Variants in FOXP1 observed in about 807,000 individuals in gnomAD.
FOXP1 encodes the protein forkhead box protein P1.
A neutral mutation model predicts 98.2 loss-of-function variants in FOXP1; 15 were observed. That is an observed-to-expected ratio of 0.15 (90% CI 0.10 to 0.24). The LOEUF is 0.24. Ranked by LOEUF, FOXP1 falls within the 10% of genes least tolerant of loss-of-function variation. The pLI is 1.00. For synonymous variants in FOXP1, 371 were observed against 314.5 expected, an observed-to-expected ratio of 1.18 and a Z score of -1.90; for missense variants, 633 against 848.5, an observed-to-expected ratio of 0.75 and a Z score of 3.15.
chr3:71,461,493 C>CA (rs1386007148), intron 3 of FOXP1, among the ~76,000 whole-genome samples: 1 of 151,912 alleles, frequency 6.6e-6, no homozygotes, highest in Non-Finnish European at 1.5e-5. Context: ...GACCCTGTCT[C>CA]AAAAAATCAA....
chr3:71,061,995 G>GT (rs2051566086), intron 7 of FOXP1, among the ~76,000 whole-genome samples: 1 of 152,062 alleles, frequency 6.6e-6, no homozygotes, highest in Non-Finnish European at 1.5e-5. Flanking sequence ...TAATTTCACC[G>GT]TATCTTCCAA....
intron 3 of FOXP1, among the ~76,000 whole-genome samples, chr3:71,364,893 T>C (rs2078812004): frequency 6.6e-6 from 1 of 152,266 alleles, no homozygotes; most frequent in Non-Finnish European, 1.5e-5. Flanking sequence ...GCTGTGTATA[T>C]ATAAGATATT....
intron 6 of FOXP1, among the ~76,000 whole-genome samples, chr3:71,162,298 C>G (rs997604112): frequency 3.3e-5 from 5 of 152,226 alleles, no homozygotes; most frequent in Non-Finnish European, 5.9e-5. Flanking sequence ...GCTTAGCTAA[C>G]TGAAACCTGG....
intron 7 of FOXP1, among the ~76,000 whole-genome samples, chr3:71,084,237 A>G (rs543022716): frequency 2.0e-5 from 3 of 152,290 alleles, no homozygotes; most frequent in African/African-American, 7.2e-5. Context: ...AATTTCTTCA[A>G]GACATTTTCA....
intron 2 of FOXP1, among the ~76,000 whole-genome samples, chr3:71,503,661 C>CTCCTCAGT (rs1197292436): frequency 1.3e-5 from 2 of 150,304 alleles, no homozygotes; most frequent in Non-Finnish European, 3.0e-5. Flanking sequence ...TATGGTAAAC[C>CTCCTCAGT]TCCTCAGTGA....
At chr3:71,342,849 A>G (rs2077094306) in intron 4 of FOXP1, among the ~76,000 whole-genome samples, 1 of 152,226 alleles carries the variant, frequency 6.6e-6, no homozygotes, top group Non-Finnish European at 1.5e-5. Flanking sequence ...GTACAGCTGT[A>G]TACAGTATCA....
chr3:71,474,255 TG>T (rs997203058), intron 3 of FOXP1, among the ~76,000 whole-genome samples: 1 of 152,096 alleles, frequency 6.6e-6, no homozygotes, highest in African/African-American at 2.4e-5. Context: ...CACATTTAAC[TG>T]GCCAAAAGAG....
At chr3:71,363,565 C>G (rs1056557457) in intron 3 of FOXP1, among the ~76,000 whole-genome samples, 3 of 152,126 alleles carry the variant, frequency 2.0e-5, no homozygotes, top group African/African-American at 4.8e-5. Context: ...CAAACCAGCA[C>G]GACTGTCTTT....
At chr3:71,023,784 T>G (rs971827961) in intron 11 of FOXP1, among the ~76,000 whole-genome samples, 1 of 152,190 alleles carries the variant, frequency 6.6e-6, no homozygotes, top group Admixed American at 6.5e-5. Flanking sequence ...TGATTTGAAA[T>G]TACTAAATTT....
At chr3:71,396,973 T>TATATATATAC (rs1560424550) in intron 3 of FOXP1, among the ~76,000 whole-genome samples, 1 of 27,382 alleles carries the variant, frequency 3.7e-5, no homozygotes, top group Non-Finnish European at 1.0e-4. Context: ...TGTGTGTATA[T>TATATATATAC]ATATATATGT....
At chr3:71,577,910 C>T (rs2047854647) in intron 2 of FOXP1, among the ~76,000 whole-genome samples, 2 of 151,900 alleles carry the variant, frequency 1.3e-5, no homozygotes, top group Non-Finnish European at 2.9e-5. Flanking sequence ...CCCCTACCTG[C>T]TTGAGAGGTT....
intron 4 of FOXP1, among the ~76,000 whole-genome samples, chr3:71,345,871 T>TAAAAAAAAAAAAAAGAAAAAAAAAAAAAA (rs2077315841): frequency 1.8e-5 from 1 of 55,096 alleles, no homozygotes; most frequent in African/African-American, 6.1e-5. Context: ...AAAGTTTTTG[T>TAAAAAAAAAAAAAAGAAAAAAAAAAAAAA]AAAAAAAAAA....
chr3:70,970,822 TA>T lies in FOXP1; in HGVS notation c.1653-18del. 1.2e-6 allele frequency: 2 copies of T among 1,603,798 alleles called. No individual in the cohort carries two copies. Among genetic ancestry groups the T allele is most frequent in the Non-Finnish European group, 8.5e-7 (1 of 1,170,652 alleles). ...GAAGGGTTACTGTGTAAGAAAAACA[TA>T]AAAACTCAAAGTTAAACACAGTCGA... is the stretch of plus-strand genomic sequence containing the variant. On this transcript the variant is annotated intron_variant, in intron 18 of 20. Transcript: ENST00000649528.
chr3:71,412,446 T>C (rs1030515917), intron 3 of FOXP1, among the ~76,000 whole-genome samples: 1 of 152,196 alleles, frequency 6.6e-6, no homozygotes, highest in African/African-American at 2.4e-5. Context: ...CTCCATGTTA[T>C]GACTCTGTTA....
chr3:71,126,864 A>AC (rs66784590), intron 6 of FOXP1, among the ~76,000 whole-genome samples: 2 of 49,020 alleles, frequency 4.1e-5, no homozygotes, highest in East Asian at 4.4e-4. Flanking sequence ...AGAAAAAAAA[A>AC]AACAAACAAA....
At chr3:71,177,190 C>T (rs1576221231) in intron 6 of FOXP1, among the ~76,000 whole-genome samples, 1 of 152,188 alleles carries the variant, frequency 6.6e-6, no homozygotes, top group African/African-American at 2.4e-5. Flanking sequence ...ACTGGAAGGA[C>T]ACACTGCAAC....
chr3:71,040,347 A>G (rs141468033), intron 11 of FOXP1: 74 of 152,302 alleles, frequency 4.9e-4, no homozygotes, highest in African/African-American at 1.7e-3. Flanking sequence ...GAGAAATGGC[A>G]TTTACTGTCA....
chr3:71,468,106 C>A (rs1049640856), intron 3 of FOXP1, among the ~76,000 whole-genome samples: 3 of 151,942 alleles, frequency 2.0e-5, no homozygotes, highest in Non-Finnish European at 4.4e-5. Context: ...GATTTTTAAT[C>A]CTTGGAGAAG....
chr3:71,000,778 C>T (rs1294783975), intron 13 of FOXP1, among the ~76,000 whole-genome samples, 194 bp downstream of exon 13: 1 of 125,974 alleles, frequency 7.9e-6, no homozygotes, highest in Non-Finnish European at 1.5e-5. Flanking sequence ...TGGGGCTGAA[C>T]CTGCCCAAAG....
Sources: allele counts gnomAD v4.1 joint callset (sites outside exome capture counted in the v4.1 genomes callset), GRCh38; gene constraint gnomAD v4.1.1; transcripts MANE v1.5; gene names NCBI Gene and HGNC (gene_info 2026-07-23, HGNC 2026-07-21).